The following TBC1D8 variants were observed in gnomAD, a reference collection of about 807,000 sequenced individuals.
TBC1D8 encodes the protein BUB2-like protein 1.
A neutral mutation model predicts 118.8 loss-of-function variants in TBC1D8; 65 were observed. The ratio of observed to expected loss-of-function variants is 0.55; its 90% confidence interval spans 0.45 to 0.67. The LOEUF (loss-of-function observed/expected upper bound fraction) is 0.67, where lower values mean the gene tolerates loss of function less well. Ranked by LOEUF, TBC1D8 falls within the 30% of genes least tolerant of loss-of-function variation. TBC1D8 has a pLI of 0.00. For synonymous variants in TBC1D8, 566 were observed against 595.8 expected, an observed-to-expected ratio of 0.95 and a Z score of 0.73; for missense variants, 1,376 against 1,471.2, an observed-to-expected ratio of 0.94 and a Z score of 1.06.
At chr2:101,127,184 A>G (rs1375561219) in intron 1 of TBC1D8, among the ~76,000 whole-genome samples, 1 of 152,072 alleles carries the variant, frequency 6.6e-6, no homozygotes, top group African/African-American at 2.4e-5. Context: ...AAAATTCAAA[A>G]AATTAGCCAG....
chr2:101,041,647 T>C (rs1322040188), intron 5 of TBC1D8, among the ~76,000 whole-genome samples: 1 of 152,068 alleles, frequency 6.6e-6, no homozygotes, highest in Non-Finnish European at 1.5e-5. Flanking sequence ...TCTGTGAACA[T>C]GGTAAAAACC....
intron 19 of TBC1D8, among the ~76,000 whole-genome samples, chr2:101,009,474 C>A (rs891270301): frequency 7.9e-5 from 12 of 151,234 alleles, no homozygotes; most frequent in African/African-American, 2.7e-4. Flanking sequence ...GGGAAAAGAT[C>A]CATGGTTATT....
intron 11 of TBC1D8, among the ~76,000 whole-genome samples, chr2:101,031,262 C>A (rs185054620): frequency 4.6e-5 from 7 of 152,208 alleles, no homozygotes; most frequent in Non-Finnish European, 1.0e-4. Flanking sequence ...CTCAGGCACA[C>A]GAAGGAGCCG....
At chr2:101,102,105 G>T (rs988361680) in intron 1 of TBC1D8, among the ~76,000 whole-genome samples, 2 of 152,012 alleles carry the variant, frequency 1.3e-5, no homozygotes, top group African/African-American at 4.8e-5. Flanking sequence ...AAAGAAAGAT[G>T]CAATGAATAG....
At chr2:101,069,095 C>T (rs1308110824) in intron 2 of TBC1D8, among the ~76,000 whole-genome samples, 2 of 150,314 alleles carry the variant, frequency 1.3e-5, no homozygotes, top group African/African-American at 4.9e-5. Flanking sequence ...AGCAGGAGTT[C>T]GGAACCAGCC....
intron 1 of TBC1D8, among the ~76,000 whole-genome samples, chr2:101,139,062 G>A (rs1484374824): frequency 2.0e-5 from 3 of 152,122 alleles, no homozygotes; most frequent in African/African-American, 4.8e-5. Context: ...TATGTCACAG[G>A]TAGTCAGAGA....
At position 101,008,276 on chromosome 2, in the gene TBC1D8, G is replaced by C; in HGVS notation, c.3016-3C>G. On this transcript the variant is annotated splice_polypyrimidine_tract_variant and splice_region_variant and intron_variant, in intron 19 of 19. Coordinates refer to ENST00000409318, the MANE Select transcript of TBC1D8 (RefSeq NM_001330348.2). ...TTACAGAACTGGATAAATTCTCTCT[G>C]AAATTGAAATAAGTCTTAGGTAGCA... The C allele has an allele frequency of 6.6e-7, 1 of 1,516,052 alleles. No individual in the cohort carries two copies. The highest frequency in any genetic ancestry group is 8.8e-7 in the Non-Finnish European group (1 of 1,133,572). The allele number at this position is 1,516,052 out of a possible 1,614,324, so 93.9% of individuals were successfully genotyped here. A position where few individuals can be genotyped will look rare whatever the true frequency, so the allele number is the denominator to read the frequency against.
intron 2 of TBC1D8, among the ~76,000 whole-genome samples, chr2:101,083,102 T>C (rs1015674828): frequency 3.3e-5 from 5 of 152,140 alleles, no homozygotes; most frequent in African/African-American, 1.2e-4. Context: ...CATCTGTAAC[T>C]GCATGCCTTA....
At chr2:101,068,721 G>A (rs1342593850) in intron 2 of TBC1D8, 5 of 296,754 alleles carry the variant, frequency 1.7e-5, no homozygotes, top group African/African-American at 4.5e-5. Context: ...TAACTTGGCT[G>A]TATGTGGTGG....
At chr2:101,133,065 CAGG>C (rs946342570) in intron 1 of TBC1D8, among the ~76,000 whole-genome samples, 9 of 149,866 alleles carry the variant, frequency 6.0e-5, no homozygotes, top group African/African-American at 2.2e-4. Flanking sequence ...GAGGCTGAGG[CAGG>C]AGAATTGCTT....
In TBC1D8 at chr2:101,007,473, G is replaced by A. The variant is rs1678813087; in HGVS notation, c.*348C>T. ...CCCATTGTCACTCCAAGTGAAAAAT[G>A]AAAGCATGGGGCTTTTCTTGCTTCT... On this transcript the variant is annotated 3_prime_UTR_variant, in exon 20 of 20. Transcript: ENST00000409318. 9.1e-6 allele frequency: 2 copies of A among 219,716 alleles called. No homozygotes were observed. 13.6% of individuals were successfully genotyped at this position (219,716 alleles called of 1,614,324 possible).
intron 17 of TBC1D8, among the ~76,000 whole-genome samples, chr2:101,012,567 C>T (rs923374117): frequency 6.6e-6 from 1 of 151,280 alleles, no homozygotes; most frequent in Non-Finnish European, 1.5e-5. Context: ...CATTTATTTT[C>T]AGGGTGATGC....
At chr2:101,037,912 G>C (rs576135898) in intron 7 of TBC1D8, among the ~76,000 whole-genome samples, 2 of 152,028 alleles carry the variant, frequency 1.3e-5, no homozygotes, top group Non-Finnish European at 2.9e-5. Flanking sequence ...AGGCTGTCCC[G>C]GTCCCCAGAA....
intron 2 of TBC1D8, among the ~76,000 whole-genome samples, chr2:101,080,083 A>C (rs1010519654): frequency 6.6e-6 from 1 of 152,108 alleles, no homozygotes; most frequent in Admixed American, 6.5e-5. Context: ...CTGCTTTTCA[A>C]ATAACTATAA....
chr2:101,039,954 AT>A (rs1681275205), intron 6 of TBC1D8, among the ~76,000 whole-genome samples: 1 of 152,090 alleles, frequency 6.6e-6, no homozygotes, highest in African/African-American at 2.4e-5. Context: ...TTGTTGGCAA[AT>A]TTCAGGATGC....
chr2:101,011,236 G>A, intron 18 of TBC1D8: 1 of 684,308 alleles, frequency 1.5e-6, no homozygotes, highest in Middle Eastern at 4.1e-4. Flanking sequence ...CAGCAAACAG[G>A]AGGAAGGAAC....
At chr2:101,094,480 T>C (rs1676261943) in intron 1 of TBC1D8, among the ~76,000 whole-genome samples, 1 of 152,178 alleles carries the variant, frequency 6.6e-6, no homozygotes, top group Non-Finnish European at 1.5e-5. Flanking sequence ...CCCCACATGC[T>C]TGGCACTTTC....
chr2:101,087,815 AG>A (rs1191790773), intron 2 of TBC1D8, among the ~76,000 whole-genome samples: 2 of 152,210 alleles, frequency 1.3e-5, no homozygotes, highest in African/African-American at 4.8e-5. Context: ...TTGGGAAAGC[AG>A]GGAGGAGAAT....
intron 5 of TBC1D8, among the ~76,000 whole-genome samples, chr2:101,041,860 C>CA (rs1191275552): frequency 1.3e-5 from 2 of 151,798 alleles, no homozygotes; most frequent in Non-Finnish European, 2.9e-5. Flanking sequence ...CCCATCTCTA[C>CA]AAAAAAATAC....
Sources: gnomAD v4.1 joint callset for allele counts (sites outside exome capture counted in the v4.1 genomes callset) on GRCh38, gnomAD v4.1.1 for gene constraint, MANE v1.5 for transcripts, NCBI Gene and HGNC (gene_info 2026-07-23, HGNC 2026-07-21) for gene names.